NNMT: variants seen among roughly 807,000 people sequenced by gnomAD.
NNMT encodes nicotinamide N-methyltransferase.
In NNMT, 10 loss-of-function variants were observed where a neutral mutation model predicts 11.7. The ratio of observed to expected loss-of-function variants is 0.85; its 90% CI spans 0.53 to 1.45. The LOEUF (loss-of-function observed/expected upper bound fraction) is 1.45, where lower values mean the gene tolerates loss of function less well. Among genes scored for constraint, NNMT ranks in the 40% most tolerant of loss-of-function variants. NNMT has a pLI of 0.00. For synonymous variants in NNMT, 143 were observed against 133.8 expected (o/e 1.07, Z -0.48); for missense variants, 381 against 319.4 (o/e 1.19, Z -1.47).
In NNMT at chr11:114,296,544, G is replaced by T. The variant is rs752189409; in HGVS notation, c.-13G>T. 4 of 1,613,272 alleles carry T rather than the reference G, an allele frequency of 2.5e-6. No homozygotes were observed. The highest frequency in any genetic ancestry group is 2.2e-5 in the South Asian group (2 of 91,028). On this transcript the variant is annotated 5_prime_UTR_variant, in exon 1 of 3. Coordinates refer to ENST00000299964, the MANE Select transcript of NNMT (RefSeq NM_006169.3). Reference sequence around the variant, plus strand: ...AGGAGGGCAGTGCTCCAGTGGTACAGAAGTGAGACATAATGGAATCAGGCT... The same window carrying T: ...AGGAGGGCAGTGCTCCAGTGGTACATAAGTGAGACATAATGGAATCAGGCT...
chr11:114,298,425 A>G (rs539525944), intron 2 of NNMT: 1 of 412,616 alleles, frequency 2.4e-6, no homozygotes. Context: ...AAACCCCCAA[A>G]TTTTCCAGGC....
At chr11:114,291,638 G>T (rs1945335978), upstream of NNMT, among the ~76,000 whole-genome samples, 1 of 152,120 alleles carries the variant, frequency 6.6e-6, no homozygotes, top group South Asian at 2.1e-4. Flanking sequence ...CATTCCTTGG[G>T]TTCCTCAGGT....
In NNMT at chr11:114,288,087, T is replaced by C. The variant is rs114544621; in HGVS notation, c.-129-8341T>C. Among the ~76,000 whole-genome samples the C allele has an allele frequency of 8.9e-3, 1,362 of 152,294 alleles. 21 individuals are homozygous for C. The highest frequency in any genetic ancestry group is 0.031 in the African/African-American group (1,302 of 41,566). The stretch of plus-strand genomic sequence containing the variant: ...TTTATATTGATTTCATATCCAGATA[T>C]TTTGCTAAACTGTTATATTGTAATA... On this transcript the variant is annotated intron_variant, in intron 2 of 4. Transcript: ENST00000535401.
chr11:114,289,788 T>C (rs1945322152), intron 2 of NNMT, among the ~76,000 whole-genome samples: 1 of 152,222 alleles, frequency 6.6e-6, no homozygotes. Context: ...AGGGCCTATG[T>C]ATTCTTGAAA....
rs201603827 is a variant in NNMT, at chr11:114,312,016, A to G, written c.363-29A>G. On this transcript the variant is annotated intron_variant, in intron 2 of 2. Coordinates refer to ENST00000299964, the MANE Select transcript of NNMT (RefSeq NM_006169.3). ...TGGGTTCCCCATGACTGGAGTGGAA[A>G]ACAATGTCTGTGGGTTTGTGTTTTT... The G allele has an allele frequency of 1.6e-5, 25 of 1,527,726 alleles. No homozygotes were observed. In the Middle Eastern group the frequency reaches 8.9e-4, roughly 54 times the overall value. The allele number at this position is 1,527,726 out of a possible 1,614,324, so 94.6% of individuals were successfully genotyped here.
At chr11:114,297,592 C>T (rs1296365258) in intron 1 of NNMT, among the ~76,000 whole-genome samples, 1 of 150,820 alleles carries the variant, frequency 6.6e-6, no homozygotes, top group East Asian at 2.0e-4. Context: ...CTCAAGGGAT[C>T]CTTCTGCCTC....
chr11:114,278,586 A>G (rs962734157), intron 2 of NNMT, among the ~76,000 whole-genome samples: 4 of 151,328 alleles, frequency 2.6e-5, no homozygotes, highest in Admixed American at 6.6e-5. Flanking sequence ...GACTGTTGGT[A>G]GGGGTGGGAG....
intron 2 of NNMT, among the ~76,000 whole-genome samples, chr11:114,278,349 G>C (rs142125648): frequency 2.6e-5 from 4 of 152,134 alleles, no homozygotes; most frequent in Non-Finnish European, 4.4e-5. Flanking sequence ...TTGCTCCCAC[G>C]ACTCAAACAC....
chr11:114,284,685 A>C (rs1254716499), intron 2 of NNMT, among the ~76,000 whole-genome samples: 9 of 147,724 alleles, frequency 6.1e-5, no homozygotes, highest in Non-Finnish European at 1.2e-4. Flanking sequence ...GATGGTCTCG[A>C]TCTCCTGACC....
chr11:114,259,300 G>A (rs989391684), intron 1 of NNMT, among the ~76,000 whole-genome samples: 2 of 149,802 alleles, frequency 1.3e-5, no homozygotes, highest in South Asian at 2.1e-4. Context: ...TCACATGCCC[G>A]CTCGGGCACC....
At chr11:114,296,308 T>C (rs965747810), upstream of NNMT, 5 of 442,464 alleles carry the variant, frequency 1.1e-5, no homozygotes, top group Non-Finnish European at 1.6e-5. Flanking sequence ...CCCTCTACCA[T>C]ACCCTCCACC....
intron 2 of NNMT, among the ~76,000 whole-genome samples, chr11:114,276,460 C>T (rs947848297): frequency 2.6e-5 from 4 of 152,184 alleles, no homozygotes; most frequent in African/African-American, 9.7e-5. Flanking sequence ...ATCCTGCTAC[C>T]TCATTTGCTT....
intron 2 of NNMT, among the ~76,000 whole-genome samples, chr11:114,274,846 C>T (rs1945203086): frequency 6.6e-6 from 1 of 152,200 alleles, no homozygotes; most frequent in African/African-American, 2.4e-5. Flanking sequence ...CAATTGCAAC[C>T]TCCAGACTTT....
chr11:114,296,815 T>A, intron 1 of NNMT, 105 bp downstream of exon 1: 1 of 1,071,778 alleles, frequency 9.3e-7, no homozygotes, highest in Non-Finnish European at 1.4e-6. Flanking sequence ...ACAGCCCTTT[T>A]GGCATCACCC....
chr11:114,284,648 G>T (rs1345167015), intron 2 of NNMT, among the ~76,000 whole-genome samples: 1 of 151,640 alleles, frequency 6.6e-6, no homozygotes, highest in African/African-American at 2.4e-5. Flanking sequence ...ATTTTTAGTA[G>T]AGACGGGGTT....
chr11:114,290,543 G>GGAT (rs1339149223), intron 2 of NNMT, among the ~76,000 whole-genome samples: 1 of 152,116 alleles, frequency 6.6e-6, no homozygotes, highest in East Asian at 1.9e-4. Flanking sequence ...GATGCAGGGG[G>GGAT]GATTAATGTG....
chr11:114,279,970 C>T (rs902070039), intron 2 of NNMT, among the ~76,000 whole-genome samples: 6 of 152,108 alleles, frequency 3.9e-5, no homozygotes, highest in East Asian at 1.9e-4. Flanking sequence ...TGGACTAGGG[C>T]GTCGAAGGTG....
intron 1 of NNMT, among the ~76,000 whole-genome samples, chr11:114,258,973 CCTT>C (rs1393802484): frequency 1.3e-5 from 2 of 152,224 alleles, no homozygotes; most frequent in African/African-American, 2.4e-5. Context: ...TCAGCTCAAA[CCTT>C]CTCTCAGGAA....
chr11:114,300,401 T>G (rs1288873941), intron 2 of NNMT, among the ~76,000 whole-genome samples: 1 of 152,184 alleles, frequency 6.6e-6, no homozygotes, highest in Non-Finnish European at 1.5e-5. Flanking sequence ...CAAATTAAAT[T>G]TTGTTGTAGT....
Sources: allele counts gnomAD v4.1 joint callset (sites outside exome capture counted in the v4.1 genomes callset), GRCh38; gene constraint gnomAD v4.1.1; transcripts MANE v1.5; gene names NCBI Gene and HGNC (gene_info 2026-07-23, HGNC 2026-07-21).